Variants in SNCAIP observed in about 807,000 individuals in gnomAD.
SNCAIP encodes synphilin-1.
Under a neutral mutation model 86.7 loss-of-function variants are expected in SNCAIP, and 43 were observed. The observed-to-expected ratio is 0.50, with a 90% confidence interval of 0.39 to 0.64. The LOEUF is 0.64. Among genes scored for constraint, SNCAIP ranks in the 30% least tolerant of loss-of-function variants. SNCAIP has a pLI of 0.00. For synonymous variants in SNCAIP, 417 were observed against 427.2 expected (o/e 0.98, Z 0.29); for missense variants, 981 against 1,103.1 (o/e 0.89, Z 1.57).
At chr5:122,335,361 G>A (rs1756229185) in intron 1 of SNCAIP, among the ~76,000 whole-genome samples, 1 of 152,024 alleles carries the variant, frequency 6.6e-6, no homozygotes, top group Non-Finnish European at 1.5e-5. Context: ...AACAATCATT[G>A]GGCTAAATTA....
In SNCAIP at chr5:122,378,590, G is replaced by C. The variant is rs1195600167; in HGVS notation, c.-46-12499G>C. ...TTGTCTTTTGTTGCCATTGCTTTTG[G>C]TGTTCTGGACATGAACTCCTTGCCC... On this transcript the variant is annotated intron_variant, in intron 1 of 10. Transcript: ENST00000261368. Among the ~76,000 whole-genome samples the C allele has an allele frequency of 7.7e-5, 11 of 142,462 alleles. 1 individual carries two copies. Among genetic ancestry groups the C allele is most frequent in the Non-Finnish European group, 1.5e-4 (10 of 65,086 alleles). The allele number at this position is 142,462 out of a possible 152,430, so 93.5% of individuals were successfully genotyped here.
intron 3 of SNCAIP, among the ~76,000 whole-genome samples, chr5:122,420,398 C>A (rs1166038436): frequency 5.3e-5 from 8 of 152,188 alleles, no homozygotes; most frequent in Non-Finnish European, 1.0e-4. Context: ...TTATATAATA[C>A]ATAAATATAT....
At chr5:122,445,746 GT>G (rs1179398460) in intron 8 of SNCAIP, among the ~76,000 whole-genome samples, 6 of 146,920 alleles carry the variant, frequency 4.1e-5, no homozygotes, top group African/African-American at 1.5e-4. Context: ...AAAAACCTTG[GT>G]TTTTTTCACC....
intron 6 of SNCAIP, chr5:122,437,083 G>T (rs562398433): frequency 8.1e-4 from 124 of 152,258 alleles, no homozygotes; most frequent in African/African-American, 2.6e-3. Context: ...CAATACTTAT[G>T]GGGAAATGAA....
intron 1 of SNCAIP, among the ~76,000 whole-genome samples, chr5:122,348,715 A>G (rs1166436024): frequency 6.6e-6 from 1 of 152,150 alleles, no homozygotes; most frequent in Non-Finnish European, 1.5e-5. Flanking sequence ...ACCAATGAAC[A>G]ATTGAAAATT....
chr5:122,341,444 G>A (rs1196812196), intron 1 of SNCAIP, among the ~76,000 whole-genome samples: 4 of 152,146 alleles, frequency 2.6e-5, no homozygotes, highest in African/African-American at 9.7e-5. Flanking sequence ...ATAGTTTTGT[G>A]TTACATTCAC....
intron 1 of SNCAIP, chr5:122,321,212 A>T (rs1314867584): frequency 6.6e-6 from 1 of 152,194 alleles, no homozygotes; most frequent in African/African-American, 2.4e-5. Flanking sequence ...ATATAGCCAA[A>T]ATGGTAGCAT....
At chr5:122,408,037 A>G (rs1407590603) in intron 3 of SNCAIP, among the ~76,000 whole-genome samples, 2 of 152,214 alleles carry the variant, frequency 1.3e-5, no homozygotes, top group Non-Finnish European at 2.9e-5. Context: ...AGGTGTGTGG[A>G]GACAGCAGTC....
At chr5:122,389,592 A>G (rs1053954133) in intron 1 of SNCAIP, 2 of 152,222 alleles carry the variant, frequency 1.3e-5, no homozygotes, top group African/African-American at 4.8e-5. Context: ...AATTTGTTTG[A>G]TAACCTATTT....
chr5:122,329,314 T>G (rs1200568475), intron 1 of SNCAIP, among the ~76,000 whole-genome samples: 2 of 148,416 alleles, frequency 1.3e-5, no homozygotes, highest in African/African-American at 5.0e-5. Context: ...GGGAGTTCAA[T>G]CAGGATTATT....
chr5:122,406,701 C>T (rs886925471), intron 3 of SNCAIP, among the ~76,000 whole-genome samples: 1 of 152,132 alleles, frequency 6.6e-6, no homozygotes, highest in Admixed American at 6.5e-5. Flanking sequence ...GCCTCATTCC[C>T]CCTTTGCCGT....
At chr5:122,424,648 A>G (rs1009626873) in intron 4 of SNCAIP, among the ~76,000 whole-genome samples, 15 of 152,112 alleles carry the variant, frequency 9.9e-5, no homozygotes, top group African/African-American at 3.4e-4. Flanking sequence ...TGTCTTTTCC[A>G]TTTTCCTGGC....
chr5:122,421,806 T>C (rs1776414788), intron 3 of SNCAIP, among the ~76,000 whole-genome samples: 3 of 152,078 alleles, frequency 2.0e-5, no homozygotes. Context: ...GGAAGCAGTA[T>C]AATCATATCT....
intron 1 of SNCAIP, among the ~76,000 whole-genome samples, chr5:122,349,947 A>C (rs1007718048): frequency 7.9e-5 from 12 of 152,312 alleles, no homozygotes; most frequent in African/African-American, 2.9e-4. Context: ...CCCATCAGCC[A>C]AATATCCTTT....
intron 10 of SNCAIP, among the ~76,000 whole-genome samples, chr5:122,461,144 G>A (rs1046120792): frequency 2.0e-5 from 3 of 152,262 alleles, no homozygotes; most frequent in African/African-American, 7.2e-5. Flanking sequence ...AGGATTCTAG[G>A]TGGGAAATTA....
intron 1 of SNCAIP, among the ~76,000 whole-genome samples, chr5:122,383,190 G>C (rs553045450): frequency 1.3e-5 from 2 of 152,196 alleles, no homozygotes; most frequent in African/African-American, 4.8e-5. Context: ...AGCAATCAGC[G>C]AGACTCCGTG....
chr5:122,320,186 C>A (rs1213890841), intron 1 of SNCAIP, among the ~76,000 whole-genome samples: 1 of 152,242 alleles, frequency 6.6e-6, no homozygotes, highest in African/African-American at 2.4e-5. Context: ...AATGTTTTCA[C>A]AGTGGGACAG....
intron 2 of SNCAIP, chr5:122,400,877 A>G: frequency 2.7e-6 from 3 of 1,126,302 alleles, no homozygotes; most frequent in Non-Finnish European, 3.6e-6. Context: ...GTCTATGTTC[A>G]CTGGGAATAA....
chr5:122,355,162 CAT>C (rs1760739178), intron 1 of SNCAIP, among the ~76,000 whole-genome samples: 1 of 152,168 alleles, frequency 6.6e-6, no homozygotes, highest in African/African-American at 2.4e-5. Context: ...GTCCACAGGT[CAT>C]ATAAACAAAC....
Sources: gnomAD v4.1 joint callset for allele counts (sites outside exome capture counted in the v4.1 genomes callset) on GRCh38, gnomAD v4.1.1 for gene constraint, MANE v1.5 for transcripts, NCBI Gene and HGNC (gene_info 2026-07-23, HGNC 2026-07-21) for gene names.